Variants in ENTREP2 observed in about 807,000 individuals in gnomAD.
The protein encoded by ENTREP2 is endosomal transmembrane epsin interactor 2.
chr15:29,318,753 G>A, the ENTREP2 span, among the ~76,000 whole-genome samples: 3 of 152,166 alleles, frequency 2.0e-5, no homozygotes, highest in South Asian at 4.1e-4. Context: ...TGTGATAACC[G>A]TCTTATTGCA....
At chr15:29,530,126 C>T in the ENTREP2 span, among the ~76,000 whole-genome samples, 4 of 152,012 alleles carry the variant, frequency 2.6e-5, no homozygotes, top group African/African-American at 7.3e-5. Flanking sequence ...GTACGGAAGG[C>T]GCCTAGGTGG....
chr15:29,143,899 CA>C, the ENTREP2 span, among the ~76,000 whole-genome samples: 1 of 152,114 alleles, frequency 6.6e-6, no homozygotes, highest in African/African-American at 2.4e-5. Flanking sequence ...CTAAAGGGGT[CA>C]TGAAGATGTG....
the ENTREP2 span, among the ~76,000 whole-genome samples, chr15:29,353,335 C>A: frequency 9.9e-5 from 15 of 152,126 alleles, no homozygotes; most frequent in Admixed American, 8.5e-4. Flanking sequence ...AGAGGACCCA[C>A]CCGCCAGACA....
chr15:29,554,326 A>G, the ENTREP2 span, among the ~76,000 whole-genome samples: 2 of 151,418 alleles, frequency 1.3e-5, no homozygotes, highest in Admixed American at 1.3e-4. Flanking sequence ...AAAAAAAAAA[A>G]AAGGAAGGAA....
chr15:29,444,607 C>G, the ENTREP2 span, among the ~76,000 whole-genome samples: 19 of 151,944 alleles, frequency 1.3e-4, no homozygotes, highest in Non-Finnish European at 1.8e-4. Flanking sequence ...CCTGGCACTA[C>G]AGGCGCCCAC....
chr15:29,328,740 G>C, the ENTREP2 span, among the ~76,000 whole-genome samples: 1 of 152,186 alleles, frequency 6.6e-6, no homozygotes, highest in Non-Finnish European at 1.5e-5. Context: ...GCTGGAGTGG[G>C]AACAGGGGAG....
At chr15:29,166,746 A>G in the ENTREP2 span, among the ~76,000 whole-genome samples, 9 of 152,198 alleles carry the variant, frequency 5.9e-5, no homozygotes, top group Non-Finnish European at 1.3e-4. Flanking sequence ...CCATACCAGC[A>G]AAAGCAATCT....
the ENTREP2 span, among the ~76,000 whole-genome samples, chr15:29,362,337 T>C: frequency 6.6e-6 from 1 of 152,010 alleles, no homozygotes. Context: ...AATTACCTTA[T>C]TGGGTATCTT....
At chr15:29,655,101 A>AC in the ENTREP2 span, among the ~76,000 whole-genome samples, 22,420 of 152,148 alleles carry the variant, frequency 0.15, 3,231 homozygotes, top group African/African-American at 0.38. Context: ...TTCTAAAGTG[A>AC]TCTGAAAAAA....
the ENTREP2 span, among the ~76,000 whole-genome samples, chr15:29,329,104 T>C: frequency 1.3e-5 from 2 of 152,126 alleles, no homozygotes; most frequent in Non-Finnish European, 2.9e-5. Flanking sequence ...GGCTCACACC[T>C]GTAACCCCAG....
chr15:29,402,400 C>T, the ENTREP2 span, among the ~76,000 whole-genome samples: 4 of 151,960 alleles, frequency 2.6e-5, no homozygotes, highest in African/African-American at 7.2e-5. Flanking sequence ...ACTGTGACCT[C>T]CACCTCCCAT....
chr15:29,144,370 A>G, the ENTREP2 span, among the ~76,000 whole-genome samples: 4 of 152,184 alleles, frequency 2.6e-5, no homozygotes, highest in Admixed American at 2.6e-4. Context: ...TTGAATTAGT[A>G]ATAATACAAC....
the ENTREP2 span, chr15:29,234,848 A>G: frequency 4.9e-6 from 7 of 1,423,248 alleles, no homozygotes; most frequent in African/African-American, 4.2e-5. Flanking sequence ...TGCATTAGAT[A>G]TGTTTGCTTG....
chr15:29,478,976 C>T, the ENTREP2 span, among the ~76,000 whole-genome samples: 4 of 143,950 alleles, frequency 2.8e-5, no homozygotes, highest in Non-Finnish European at 3.0e-5. Flanking sequence ...AGGTGGATCA[C>T]GAGGTCAGGA....
the ENTREP2 span, among the ~76,000 whole-genome samples, chr15:29,162,278 T>G: frequency 6.6e-6 from 1 of 152,092 alleles, no homozygotes; most frequent in East Asian, 1.9e-4. Flanking sequence ...TAGCTGAAAT[T>G]TGTAACAATT....
chr15:29,156,335 C>T, the ENTREP2 span, among the ~76,000 whole-genome samples: 1 of 152,040 alleles, frequency 6.6e-6, no homozygotes, highest in Non-Finnish European at 1.5e-5. Context: ...CAGGTGCCCG[C>T]CACCATGGCT....
chr15:29,230,725 A>G, the ENTREP2 span, among the ~76,000 whole-genome samples: 1 of 152,200 alleles, frequency 6.6e-6, no homozygotes, highest in Non-Finnish European at 1.5e-5. Context: ...GAGTGTTAAA[A>G]GAAATGAAGG....
chr15:29,353,372 G>T, the ENTREP2 span, among the ~76,000 whole-genome samples: 15 of 152,196 alleles, frequency 9.9e-5, no homozygotes, highest in African/African-American at 3.6e-4. Context: ...GCCTGGGAAG[G>T]AGAGGAGCTC....
chr15:29,452,927 A>G, the ENTREP2 span: 102,232 of 152,096 alleles, frequency 0.67, 34,476 homozygotes, highest in African/African-American at 0.73. Context: ...CAGGGGATGC[A>G]GGACAAGCAG....
Sources: allele counts gnomAD v4.1 joint callset (sites outside exome capture counted in the v4.1 genomes callset), GRCh38; gene constraint gnomAD v4.1.1; transcripts MANE v1.5; gene names NCBI Gene and HGNC (gene_info 2026-07-23, HGNC 2026-07-21).